The following GGTA1 variants were observed in gnomAD, a reference collection of about 807,000 sequenced individuals.
GGTA1 encodes the protein inactive N-acetyllactosaminide alpha-1,3-galactosyltransferase.
Under a neutral mutation model 2.6 loss-of-function variants are expected in GGTA1, and 5 were observed. The ratio of observed to expected loss-of-function variants is 1.92; its 90% CI spans 1.00 to 4.04. GGTA1 has a LOEUF of 4.04. Among genes scored for constraint, GGTA1 ranks in the 30% most tolerant of loss-of-function variants. The pLI, the probability that GGTA1 is intolerant of heterozygous loss-of-function variation, is 0.00. For synonymous variants in GGTA1, 17 were observed against 5.0 expected, an observed-to-expected ratio of 3.38 and a Z score of -3.19; for missense variants, 50 against 16.7, an observed-to-expected ratio of 2.99 and a Z score of -3.47.
At chr9:121,468,307 A>G (rs1445142240) in intron 1 of GGTA1, among the ~76,000 whole-genome samples, 1 of 152,148 alleles carries the variant, frequency 6.6e-6, no homozygotes, top group Non-Finnish European at 1.5e-5. Flanking sequence ...GCTGAGAATG[A>G]TGGTTTCCAG....
intron 1 of GGTA1, among the ~76,000 whole-genome samples, chr9:121,468,747 G>C (rs1461910853): frequency 2.0e-5 from 3 of 152,232 alleles, no homozygotes; most frequent in Non-Finnish European, 1.5e-5. Flanking sequence ...GGTTAATAGA[G>C]GAGGCTGCCT....
intron 1 of GGTA1, among the ~76,000 whole-genome samples, chr9:121,486,289 G>A (rs765519176): frequency 2.0e-5 from 3 of 152,210 alleles, no homozygotes; most frequent in Non-Finnish European, 2.9e-5. Flanking sequence ...AGTGTGGGAG[G>A]AGGACACTGT....
downstream of GGTA1, among the ~76,000 whole-genome samples, chr9:121,452,626 C>T (rs2064884137): frequency 1.3e-5 from 2 of 151,984 alleles, no homozygotes. Context: ...TCAAGTGATC[C>T]TCCTGCCTCA....
intron 4 of GGTA1, 120 bp downstream of exon 4, chr9:121,461,132 A>G: frequency 2.8e-6 from 1 of 361,924 alleles, no homozygotes; most frequent in South Asian, 2.0e-5. Flanking sequence ...TCTTCATATA[A>G]TTTCAATAAG....
At chr9:121,496,803 G>A (rs1327290807) in intron 1 of GGTA1, among the ~76,000 whole-genome samples, 1 of 147,210 alleles carries the variant, frequency 6.8e-6, no homozygotes, top group Non-Finnish European at 1.5e-5. Context: ...AGAGATTGCA[G>A]TGATTCAAGA....
intron 1 of GGTA1, among the ~76,000 whole-genome samples, chr9:121,483,199 T>C (rs911639601): frequency 2.0e-5 from 3 of 152,184 alleles, no homozygotes; most frequent in African/African-American, 7.2e-5. Flanking sequence ...CCCTTCACTA[T>C]TTTCAAAGGT....
chr9:121,489,852 C>T lies in GGTA1; in HGVS notation c.-10+9798G>A, dbSNP rs116212909. Among the ~76,000 whole-genome samples, 1,249 of 152,300 alleles carry T rather than the reference C, an allele frequency of 8.2e-3. 19 individuals carry two copies. Among genetic ancestry groups the T allele is most frequent in the African/African-American group, 0.029 (1,190 of 41,564 alleles). On this transcript the variant is annotated intron_variant, in intron 1 of 5. Coordinates refer to ENST00000481799, the MANE Select transcript of GGTA1 (RefSeq NM_001382585.1). ...TTGCCCCCAGTCACAGGAGTGTGAA[C>T]TTTCTTCTTCCTCTGCTAAGCCTTC... is the stretch of plus-strand genomic sequence containing the variant.
chr9:121,498,323 A>C (rs1005782100), intron 1 of GGTA1, among the ~76,000 whole-genome samples: 1 of 152,208 alleles, frequency 6.6e-6, no homozygotes, highest in African/African-American at 2.4e-5. Flanking sequence ...TGTAAATGAG[A>C]TAACTTAGAT....
intron 1 of GGTA1, among the ~76,000 whole-genome samples, chr9:121,496,996 C>A (rs1829009041): frequency 6.6e-6 from 1 of 151,936 alleles, no homozygotes; most frequent in South Asian, 2.1e-4. Flanking sequence ...AGTTCGAGAC[C>A]AGCCTGGCCA....
downstream of GGTA1, among the ~76,000 whole-genome samples, chr9:121,454,006 A>G (rs1283342914): frequency 6.6e-6 from 1 of 152,066 alleles, no homozygotes; most frequent in East Asian, 1.9e-4. Flanking sequence ...CCCAGATTCC[A>G]CCACAGCTGG....
At chr9:121,488,456 T>C (rs1363805942) in intron 1 of GGTA1, among the ~76,000 whole-genome samples, 1 of 152,196 alleles carries the variant, frequency 6.6e-6, no homozygotes, top group African/African-American at 2.4e-5. Context: ...GGCTCACACC[T>C]GTAATCCCAG....
At chr9:121,461,029 T>C (rs970343769) in intron 4 of GGTA1, among the ~76,000 whole-genome samples, 3 of 151,780 alleles carry the variant, frequency 2.0e-5, no homozygotes, top group African/African-American at 4.8e-5. Context: ...GTGAGCTATG[T>C]TTGCACCACT....
At position 121,486,088 on chromosome 9, in the gene GGTA1, G is replaced by T. The variant is rs79478261; in HGVS notation, c.-10+13562C>A. Among the ~76,000 whole-genome samples the T allele has an allele frequency of 8.5e-3, 1,295 of 152,268 alleles. 18 individuals carry two copies. The highest frequency in any genetic ancestry group is 0.03 in the African/African-American group (1,233 of 41,542). ...TTTCCCCTCTGATAATTGTATTCCA[G>T]TAAGGAAGGCTCTGCTTCCATGCCC... is the stretch of plus-strand genomic sequence containing the variant. On this transcript the variant is annotated intron_variant, in intron 1 of 5. Transcript: ENST00000481799.
At chr9:121,479,866 A>G (rs1199455510) in intron 1 of GGTA1, among the ~76,000 whole-genome samples, 1 of 152,202 alleles carries the variant, frequency 6.6e-6, no homozygotes, top group Non-Finnish European at 1.5e-5. Context: ...ACATTTTTAT[A>G]GAATGTTACG....
At chr9:121,479,302 A>T in intron 1 of GGTA1, 1 of 359,556 alleles carries the variant, frequency 2.8e-6, no homozygotes, top group South Asian at 2.1e-5. Flanking sequence ...AGGAGGCAGG[A>T]CTCAGAGAAA....
intron 1 of GGTA1, among the ~76,000 whole-genome samples, chr9:121,485,700 G>A (rs1234078965): frequency 6.6e-6 from 1 of 152,170 alleles, no homozygotes; most frequent in Non-Finnish European, 1.5e-5. Flanking sequence ...CACACACAAA[G>A]ACCTTTGGTG....
exon 8 of GGTA1, chr9:121,447,525 T>G (rs1317578132): frequency 3.9e-5 from 6 of 152,542 alleles, no homozygotes; most frequent in Non-Finnish European, 7.4e-5. Flanking sequence ...TGATGTAAAA[T>G]ATGACTTTGT....
At chr9:121,475,499 G>C (rs1438888993) in intron 1 of GGTA1, among the ~76,000 whole-genome samples, 1 of 152,018 alleles carries the variant, frequency 6.6e-6, no homozygotes, top group Non-Finnish European at 1.5e-5. Context: ...ACCCTCTCTT[G>C]GGGTCTGGAT....
chr9:121,496,972 C>T (rs1829008573), intron 1 of GGTA1, among the ~76,000 whole-genome samples: 1 of 151,304 alleles, frequency 6.6e-6, no homozygotes, highest in South Asian at 2.1e-4. Context: ...GTGGGTGGAT[C>T]ACCTGAGGTC....
Sources: allele counts gnomAD v4.1 joint callset (sites outside exome capture counted in the v4.1 genomes callset), GRCh38; gene constraint gnomAD v4.1.1; transcripts MANE v1.5; gene names NCBI Gene and HGNC (gene_info 2026-07-23, HGNC 2026-07-21).